Variants in DLC1 observed in about 807,000 individuals in gnomAD.
DLC1 encodes the protein DLC1 Rho GTPase activating protein, also known as rho GTPase-activating protein 7.
In DLC1, 54 loss-of-function variants were observed where a neutral mutation model predicts 140.3. That is an observed-to-expected ratio of 0.38 (90% CI 0.31 to 0.48). The LOEUF is 0.48. DLC1 is among the 20% of genes least tolerant of loss of function. DLC1 has a pLI of 0.96. For synonymous variants in DLC1, 986 were observed against 728.1 expected (o/e 1.35, Z -5.70); for missense variants, 2,536 against 1,907.0 (o/e 1.33, Z -6.14).
At chr8:13,295,549 C>T (rs1475007093) in intron 5 of DLC1, among the ~76,000 whole-genome samples, 1 of 152,162 alleles carries the variant, frequency 6.6e-6, no homozygotes, top group African/African-American at 2.4e-5. Context: ...TTTAAGGTTT[C>T]CTACTTTGAT....
chr8:13,303,614 C>A (rs904357705), intron 5 of DLC1, among the ~76,000 whole-genome samples: 6 of 152,018 alleles, frequency 3.9e-5, no homozygotes, highest in Non-Finnish European at 7.4e-5. Context: ...CTAGCCTGGC[C>A]AACATGGCGA....
At chr8:13,174,535 T>C (rs1357079736) in intron 5 of DLC1, among the ~76,000 whole-genome samples, 1 of 152,186 alleles carries the variant, frequency 6.6e-6, no homozygotes, top group Non-Finnish European at 1.5e-5. Flanking sequence ...CTGTTATCTT[T>C]TTGACTTTTT....
Position 13,446,047 on chromosome 8 carries a change from G to T in DLC1, c.1024-44428C>A, listed in dbSNP as rs118114297. On this transcript the variant is annotated intron_variant, in intron 2 of 17. Transcript: ENST00000276297. ...ACGGGCAAAATCCTTTCTATACACG[G>T]TTGCTACCTGAACAGTGTGGTCAGA... 3.1e-3 allele frequency among the ~76,000 whole-genome samples: 476 copies of T among 152,194 alleles called. 11 individuals carry two copies. In the South Asian group the frequency reaches 0.059, roughly 19 times the overall value.
In DLC1 at chr8:13,153,417, G is replaced by C. The variant is rs570208506; in HGVS notation, c.1349-37760C>G. Among the ~76,000 whole-genome samples the C allele has an allele frequency of 1.5e-4, 23 of 152,338 alleles. No individual in the cohort carries two copies. The South Asian group carries it at 2.5e-3, about 16-fold the overall frequency. On this transcript the variant is annotated intron_variant, in intron 5 of 17. Transcript: ENST00000276297. The stretch of plus-strand genomic sequence containing the variant: ...GTGACTGTTACAGCTCATAAACGCA[G>C]TGTGGACCCAAAGAGCGAGCAGCAG...
intron 5 of DLC1, among the ~76,000 whole-genome samples, chr8:13,167,078 G>C (rs892826102): frequency 6.6e-6 from 1 of 152,140 alleles, no homozygotes; most frequent in African/African-American, 2.4e-5. Context: ...AAAGGCCCTA[G>C]TATATATTGA....
intron 2 of DLC1, among the ~76,000 whole-genome samples, chr8:13,448,852 CAG>C (rs1798917775): frequency 1.2e-5 from 1 of 86,210 alleles, no homozygotes; most frequent in South Asian, 4.2e-4. Flanking sequence ...GCAGATTTCA[CAG>C]ATGTATTATA....
At chr8:13,301,425 T>TG (rs1222663882) in intron 5 of DLC1, among the ~76,000 whole-genome samples, 1 of 152,096 alleles carries the variant, frequency 6.6e-6, no homozygotes, top group Non-Finnish European at 1.5e-5. Context: ...ATGCAGCGAG[T>TG]GTCCATTTGT....
chr8:13,327,272 C>A (rs1341659012), intron 4 of DLC1, among the ~76,000 whole-genome samples: 1 of 151,776 alleles, frequency 6.6e-6, no homozygotes, highest in South Asian at 2.1e-4. Context: ...TGCGCCCGGC[C>A]CCACTTGCAG....
chr8:13,186,706 G>T (rs1336799297), intron 5 of DLC1, among the ~76,000 whole-genome samples: 1 of 152,212 alleles, frequency 6.6e-6, no homozygotes, highest in Non-Finnish European at 1.5e-5. Context: ...GCAAGGAGCT[G>T]CAGTCCTTTG....
At chr8:13,434,885 G>A (rs1353363409) in intron 2 of DLC1, among the ~76,000 whole-genome samples, 1 of 152,108 alleles carries the variant, frequency 6.6e-6, no homozygotes, top group African/African-American at 2.4e-5. Flanking sequence ...TCGTCGTGTT[G>A]CTTAGGTTGG....
intron 5 of DLC1, among the ~76,000 whole-genome samples, chr8:13,231,137 A>T (rs1383910708): frequency 6.6e-6 from 1 of 152,156 alleles, no homozygotes; most frequent in Non-Finnish European, 1.5e-5. Flanking sequence ...ATACATTACA[A>T]ATAAGTCCCT....
chr8:13,318,199 T>G (rs900629739), intron 4 of DLC1, among the ~76,000 whole-genome samples: 2 of 113,076 alleles, frequency 1.8e-5, no homozygotes, highest in East Asian at 4.2e-4. Context: ...TAATTAAAAT[T>G]TTTTTTTTTT....
chr8:13,346,267 A>G (rs1834334306), intron 4 of DLC1, among the ~76,000 whole-genome samples: 1 of 152,242 alleles, frequency 6.6e-6, no homozygotes, highest in Non-Finnish European at 1.5e-5. Flanking sequence ...CAGTCGTGTC[A>G]GAAGAGGCTT....
intron 5 of DLC1, among the ~76,000 whole-genome samples, chr8:13,154,216 G>A (rs1824068067): frequency 1.3e-5 from 2 of 152,226 alleles, no homozygotes; most frequent in Non-Finnish European, 1.5e-5. Context: ...AGGTGCTTGC[G>A]CTCCTCAGCC....
Position 13,327,505 on chromosome 8 carries a change from T to TGG in DLC1, c.1315-22205_1315-22204dup, listed in dbSNP as rs5889433. 2.8e-3 allele frequency among the ~76,000 whole-genome samples: 406 copies of TGG among 146,898 alleles called. 5 individuals are homozygous for TGG. The highest frequency in any genetic ancestry group is 0.022 in the East Asian group (109 of 4,904). Reference sequence around the variant, plus strand: ...TTCTTTGTAGAGTGGGCGGTGGGGGTGGGGGTTTCTCATTATGTTGCCCTG... The same window carrying TGG: ...TTCTTTGTAGAGTGGGCGGTGGGGGTGGGGGGGTTTCTCATTATGTTGCCCTG... On this transcript the variant is annotated intron_variant, in intron 4 of 17. Coordinates refer to ENST00000276297, the MANE Select transcript of DLC1 (RefSeq NM_182643.3).
At chr8:13,303,467 G>T (rs1031511384) in intron 5 of DLC1, among the ~76,000 whole-genome samples, 2 of 152,150 alleles carry the variant, frequency 1.3e-5, no homozygotes, top group Non-Finnish European at 2.9e-5. Flanking sequence ...TGACAAAAAG[G>T]TAGTGGTTAC....
rs368665338 is a variant in DLC1 at position 13,496,247 on chromosome 8, CTT to C, written c.1023+2800_1023+2801del. Among the ~76,000 whole-genome samples, 356 of 152,224 alleles carry C rather than the reference CTT, an allele frequency of 2.3e-3. 11 individuals carry two copies. In the South Asian group the frequency reaches 0.065, roughly 28 times the overall value. Reference sequence around the variant, plus strand: ...GAACTCTTGTTAATAGTGTGAAAAACTTTATAAATATTTGTTCATAATTTATA... The same window carrying C: ...GAACTCTTGTTAATAGTGTGAAAAACTATAAATATTTGTTCATAATTTATA... On this transcript the variant is annotated intron_variant, in intron 2 of 17. Transcript: ENST00000276297.
intron 4 of DLC1, among the ~76,000 whole-genome samples, chr8:13,323,686 A>G (rs1358164098): frequency 1.3e-5 from 2 of 152,186 alleles, no homozygotes; most frequent in East Asian, 3.8e-4. Context: ...AGTCAGGCAT[A>G]TGGTATTCGT....
chr8:13,099,232 A>G (rs1818769765), intron 9 of DLC1, 115 bp downstream of exon 9: 1 of 1,480,326 alleles, frequency 6.8e-7, no homozygotes, highest in Non-Finnish European at 9.0e-7. Flanking sequence ...TTCCTTAGGA[A>G]TGGACATGGC....
Sources: gnomAD v4.1 joint callset for allele counts (sites outside exome capture counted in the v4.1 genomes callset) on GRCh38, gnomAD v4.1.1 for gene constraint, MANE v1.5 for transcripts, NCBI Gene and HGNC (gene_info 2026-07-23, HGNC 2026-07-21) for gene names.